RBMS3: variants seen among roughly 807,000 people sequenced by gnomAD.
RBMS3 encodes the protein RNA binding motif single stranded interacting protein 3, also known as RNA-binding motif, single-stranded-interacting protein 3.
RBMS3 carries 27 observed loss-of-function variants against 66.8 expected under a neutral mutation model. That is an observed-to-expected ratio of 0.40 (90% CI 0.30 to 0.56). The LOEUF is 0.56. Ranked by LOEUF, RBMS3 falls within the 20% of genes least tolerant of loss-of-function variation. RBMS3 has a pLI of 0.40. For missense variants in RBMS3, 513 were observed against 549.5 expected, an observed-to-expected ratio of 0.93 and a Z score of 0.66; for synonymous variants, 188 against 183.0, an observed-to-expected ratio of 1.03 and a Z score of -0.22.
At chr3:29,887,181 C>A (rs1032305448) in intron 8 of RBMS3, among the ~76,000 whole-genome samples, 1 of 151,618 alleles carries the variant, frequency 6.6e-6, no homozygotes, top group Non-Finnish European at 1.5e-5. Context: ...AATGACCGAC[C>A]GAAACTGGAT....
chr3:29,359,987 C>T (rs1278160636), intron 1 of RBMS3, among the ~76,000 whole-genome samples: 1 of 151,896 alleles, frequency 6.6e-6, no homozygotes, highest in South Asian at 2.1e-4. Flanking sequence ...TTGATCTTTT[C>T]AAAAAACCAG....
At chr3:29,800,923 A>G (rs2057368372) in intron 6 of RBMS3, among the ~76,000 whole-genome samples, 1 of 151,874 alleles carries the variant, frequency 6.6e-6, no homozygotes, top group African/African-American at 2.4e-5. Context: ...CTACATACCT[A>G]GTATCTCACT....
intron 1 of RBMS3, among the ~76,000 whole-genome samples, chr3:29,322,125 T>C (rs1202964593): frequency 6.6e-6 from 1 of 152,082 alleles, no homozygotes; most frequent in African/African-American, 2.4e-5. Flanking sequence ...CTTCCTCTCT[T>C]TTATTTTTTT....
chr3:29,944,599 A>T (rs1695170201), intron 12 of RBMS3, among the ~76,000 whole-genome samples: 1 of 151,696 alleles, frequency 6.6e-6, no homozygotes, highest in Non-Finnish European at 1.5e-5. Context: ...AAATAATTTT[A>T]TGTATAGCAA....
chr3:29,880,040 A>C (rs2059700245), intron 7 of RBMS3, among the ~76,000 whole-genome samples: 1 of 152,182 alleles, frequency 6.6e-6, no homozygotes, highest in Admixed American at 6.5e-5. Flanking sequence ...TGTCTCAATG[A>C]ATTTATTAAA....
At position 29,657,754 on chromosome 3, in the gene RBMS3, A is replaced by G. The variant is rs1012203936; in HGVS notation, c.399+70549A>G. On this transcript the variant is annotated intron_variant, in intron 4 of 14. Coordinates refer to ENST00000383767, the MANE Select transcript of RBMS3 (RefSeq NM_001003793.3). ...TAATCAACACACACAAAGCAATACA[A>G]ATGTTCTTGCTCTTTTAACTCAATG... Among the ~76,000 whole-genome samples, 5 of 152,298 alleles carry G rather than the reference A, an allele frequency of 3.3e-5. No individual in the cohort carries two copies. In the East Asian group the frequency reaches 9.7e-4, roughly 29 times the overall value.
At chr3:29,646,479 A>G (rs889173784) in intron 4 of RBMS3, among the ~76,000 whole-genome samples, 1 of 152,144 alleles carries the variant, frequency 6.6e-6, no homozygotes, top group African/African-American at 2.4e-5. Flanking sequence ...GGTTTTATTA[A>G]TTCTTTAAAA....
chr3:29,604,089 C>G (rs540199463), intron 4 of RBMS3, among the ~76,000 whole-genome samples: 10 of 151,810 alleles, frequency 6.6e-5, no homozygotes, highest in Non-Finnish European at 1.3e-4. Context: ...AAGAATTATT[C>G]GGTCTAAAAT....
intron 10 of RBMS3, among the ~76,000 whole-genome samples, chr3:29,910,546 C>T (rs1255920426): frequency 6.6e-6 from 1 of 151,940 alleles, no homozygotes; most frequent in East Asian, 1.9e-4. Flanking sequence ...CTCAGTATGT[C>T]ATTGGGATAC....
chr3:29,572,984 G>C (rs1214471316), intron 3 of RBMS3, among the ~76,000 whole-genome samples: 1 of 151,848 alleles, frequency 6.6e-6, no homozygotes, highest in Non-Finnish European at 1.5e-5. Flanking sequence ...TTCATAATTC[G>C]ATCTTGGTGG....
intron 6 of RBMS3, among the ~76,000 whole-genome samples, chr3:29,812,551 T>G (rs187400631): frequency 5.6e-4 from 85 of 152,314 alleles, no homozygotes; most frequent in Non-Finnish European, 1.5e-5. Context: ...ACCAACTGTT[T>G]TGGTTGCAAA....
At chr3:29,891,676 A>G (rs1236857648) in intron 8 of RBMS3, among the ~76,000 whole-genome samples, 1 of 151,500 alleles carries the variant, frequency 6.6e-6, no homozygotes, top group East Asian at 1.9e-4. Flanking sequence ...TTTTATTTGA[A>G]TAAAATATAT....
chr3:29,605,210 G>A (rs1314871247), intron 4 of RBMS3, among the ~76,000 whole-genome samples: 2 of 151,772 alleles, frequency 1.3e-5, no homozygotes, highest in Non-Finnish European at 2.9e-5. Flanking sequence ...CCACTGTGCA[G>A]ACTAAAAATT....
rs542253621 is a variant in RBMS3, at chr3:29,778,404, C to T, written c.637+15415C>T. Among the ~76,000 whole-genome samples the T allele has an allele frequency of 2.6e-5, 4 of 151,526 alleles. No homozygotes were observed. The East Asian group carries it at 7.8e-4, about 29-fold the overall frequency. On this transcript the variant is annotated intron_variant, in intron 6 of 14. Coordinates refer to ENST00000383767, the MANE Select transcript of RBMS3 (RefSeq NM_001003793.3). Reference sequence around the variant, plus strand: ...TTAGAGCCAGGAAATGTTTCTGATCCCCTGTTCCCAATCTTATCAATAAAC... The same window carrying T: ...TTAGAGCCAGGAAATGTTTCTGATCTCCTGTTCCCAATCTTATCAATAAAC...
chr3:29,869,480 C>T (rs2059438443), intron 7 of RBMS3, among the ~76,000 whole-genome samples: 1 of 152,014 alleles, frequency 6.6e-6, no homozygotes, highest in Non-Finnish European at 1.5e-5. Context: ...TACACACACA[C>T]ACACACATAT....
chr3:29,670,040 G>C (rs1489001875), intron 4 of RBMS3, among the ~76,000 whole-genome samples: 1 of 152,132 alleles, frequency 6.6e-6, no homozygotes, highest in Non-Finnish European at 1.5e-5. Context: ...TTTTAACAAA[G>C]AGATCATTCC....
intron 6 of RBMS3, among the ~76,000 whole-genome samples, chr3:29,777,316 T>G (rs561601420): frequency 9.2e-5 from 14 of 152,078 alleles, no homozygotes; most frequent in Non-Finnish European, 1.8e-4. Flanking sequence ...AATTATGCCT[T>G]TGTTATTCTT....
chr3:29,527,670 A>T lies in RBMS3; in HGVS notation c.307+39171A>T, dbSNP rs113136023. On this transcript the variant is annotated intron_variant, in intron 3 of 14. Transcript: ENST00000383767. ...CAATTGATAACACCACTTTAATTTA[A>T]TGTAGGAATGCTTCCTGATTTATAA... is the stretch of plus-strand genomic sequence containing the variant. 1.7e-3 allele frequency among the ~76,000 whole-genome samples: 254 copies of T among 152,312 alleles called. 2 individuals carry two copies. The highest frequency in any genetic ancestry group is 5.9e-3 in the African/African-American group (247 of 41,590).
chr3:29,523,369 T>G (rs1247224619), intron 3 of RBMS3, among the ~76,000 whole-genome samples: 2 of 152,320 alleles, frequency 1.3e-5, no homozygotes, highest in East Asian at 3.9e-4. Flanking sequence ...CACTTGGGTG[T>G]GTTTTCCAAA....
Sources: allele counts gnomAD v4.1 joint callset (sites outside exome capture counted in the v4.1 genomes callset), GRCh38; gene constraint gnomAD v4.1.1; transcripts MANE v1.5; gene names NCBI Gene and HGNC (gene_info 2026-07-23, HGNC 2026-07-21).